The following DLGAP1 variants were observed in gnomAD, a reference collection of about 807,000 sequenced individuals.
The protein encoded by DLGAP1 is disks large-associated protein 1.
DLGAP1 carries 11 observed loss-of-function variants against 90.8 expected under a neutral mutation model. That is an observed-to-expected ratio of 0.12 (90% CI 0.08 to 0.20). DLGAP1 has a LOEUF of 0.20. Among genes scored for constraint, DLGAP1 ranks in the 10% least tolerant of loss-of-function variants. The pLI, the probability that DLGAP1 is intolerant of heterozygous loss-of-function variation, is 1.00. For missense variants in DLGAP1, 1,050 were observed against 1,333.8 expected (o/e 0.79, Z 3.31); for synonymous variants, 558 against 540.7 (o/e 1.03, Z -0.44).
At chr18:3,979,717 A>G (rs985530879) in intron 3 of DLGAP1, among the ~76,000 whole-genome samples, 1 of 152,270 alleles carries the variant, frequency 6.6e-6, no homozygotes, top group African/African-American at 2.4e-5. Context: ...CTTACCACAA[A>G]AAATGATAAA....
chr18:3,562,149 C>T (rs1044498538), intron 9 of DLGAP1, among the ~76,000 whole-genome samples: 1 of 151,998 alleles, frequency 6.6e-6, no homozygotes, highest in Non-Finnish European at 1.5e-5. Flanking sequence ...ATTGCTTGAA[C>T]CCAGGAGGCA....
chr18:4,382,850 T>G (rs562044469), intron 1 of DLGAP1, among the ~76,000 whole-genome samples: 20 of 152,314 alleles, frequency 1.3e-4, no homozygotes, highest in African/African-American at 4.3e-4. Flanking sequence ...ATAGGTCTCC[T>G]GAAGTTGTTT....
chr18:3,799,269 C>T (rs2066169460), intron 5 of DLGAP1, among the ~76,000 whole-genome samples: 1 of 152,166 alleles, frequency 6.6e-6, no homozygotes, highest in Non-Finnish European at 1.5e-5. Flanking sequence ...CACTGTTCTG[C>T]CTTCTCTTAT....
chr18:3,767,927 A>C (rs758880440), intron 5 of DLGAP1, among the ~76,000 whole-genome samples: 1 of 152,124 alleles, frequency 6.6e-6, no homozygotes, highest in Non-Finnish European at 1.5e-5. Flanking sequence ...TAGTATGGCA[A>C]GGAAATAAAA....
chr18:3,537,741 G>T (rs2052459391), intron 9 of DLGAP1, among the ~76,000 whole-genome samples: 1 of 152,108 alleles, frequency 6.6e-6, no homozygotes, highest in African/African-American at 2.4e-5. Context: ...AGTGCACCAG[G>T]ATTCCTATTT....
intron 7 of DLGAP1, among the ~76,000 whole-genome samples, chr18:3,609,051 G>T (rs1453651455): frequency 2.6e-5 from 4 of 152,078 alleles, no homozygotes; most frequent in African/African-American, 9.7e-5. Context: ...GGCCATGTTG[G>T]TCTCAAACTC....
chr18:4,107,852 A>G (rs1166756040), intron 2 of DLGAP1, among the ~76,000 whole-genome samples: 1 of 151,956 alleles, frequency 6.6e-6, no homozygotes, highest in Non-Finnish European at 1.5e-5. Flanking sequence ...TGTGTGTCTG[A>G]TTTTCTTTCT....
At chr18:3,712,621 C>T (rs2061632595) in intron 7 of DLGAP1, among the ~76,000 whole-genome samples, 2 of 152,266 alleles carry the variant, frequency 1.3e-5, no homozygotes, top group Admixed American at 6.5e-5. Context: ...CAATATGGTG[C>T]GTGAAATGGC....
At chr18:3,568,000 G>A (rs1362091775) in intron 8 of DLGAP1, among the ~76,000 whole-genome samples, 1 of 151,976 alleles carries the variant, frequency 6.6e-6, no homozygotes, top group East Asian at 1.9e-4. Flanking sequence ...CCGGGTTCAA[G>A]GGATTCTCCT....
chr18:3,891,897 C>T (rs1455409705), intron 3 of DLGAP1: 1 of 151,926 alleles, frequency 6.6e-6, no homozygotes, highest in Admixed American at 6.6e-5. Flanking sequence ...TGCCACCATG[C>T]CTGGACAATT....
chr18:3,587,123 C>T (rs1245323903), intron 7 of DLGAP1, among the ~76,000 whole-genome samples: 1 of 152,198 alleles, frequency 6.6e-6, no homozygotes. Flanking sequence ...GGTGCAATCT[C>T]GGCTCACTGC....
At chr18:3,621,383 C>A (rs1222748137) in intron 7 of DLGAP1, among the ~76,000 whole-genome samples, 2 of 152,172 alleles carry the variant, frequency 1.3e-5, no homozygotes, top group Non-Finnish European at 2.9e-5. Flanking sequence ...CATAGTGAGA[C>A]CTTGTCTGTT....
intron 2 of DLGAP1, among the ~76,000 whole-genome samples, chr18:4,137,732 A>C (rs573876076): frequency 4.8e-4 from 73 of 152,264 alleles, no homozygotes; most frequent in African/African-American, 1.6e-3. Context: ...TGGACATTTT[A>C]ATAATGTTGA....
At chr18:4,387,271 T>TA (rs1178541685) in intron 1 of DLGAP1, among the ~76,000 whole-genome samples, 1 of 151,834 alleles carries the variant, frequency 6.6e-6, no homozygotes, top group Non-Finnish European at 1.5e-5. Flanking sequence ...CTTTGGGGAG[T>TA]AAAAAAAGAA....
chr18:3,534,662 T>TTTCCTTCCTTCCTTCC (rs539319280), intron 9 of DLGAP1, 47 bp from the exon 10 acceptor site: 1 of 1,403,386 alleles, frequency 7.1e-7, no homozygotes, highest in African/African-American at 1.6e-5. Context: ...TATTTCTTTC[T>TTTCCTTCCTTCCTTCC]TTCCTTCCTT....
chr18:3,785,936 A>G (rs2148173294), intron 5 of DLGAP1, among the ~76,000 whole-genome samples: 1 of 152,298 alleles, frequency 6.6e-6, no homozygotes, highest in South Asian at 2.1e-4. Context: ...GGCTTCCTTC[A>G]GCCTTTTTTC....
rs972112692 is a variant in DLGAP1, at chr18:4,415,672, A to C, written c.-267+39334T>G. Among the ~76,000 whole-genome samples the C allele has an allele frequency of 1.4e-4, 21 of 152,154 alleles. 1 individual carries two copies. The highest frequency in any genetic ancestry group is 4.3e-4 in the African/African-American group (18 of 41,454). The stretch of plus-strand genomic sequence containing the variant: ...AGGTTTTGCACTTCAGCTGATATAG[A>C]TTCAAAAATTGGCTCTGTCACTTAC... On this transcript the variant is annotated intron_variant, in intron 1 of 12. Coordinates refer to ENST00000315677, the MANE Select transcript of DLGAP1 (RefSeq NM_004746.4).
At chr18:3,671,181 CTGCTT>C (rs960879696) in intron 7 of DLGAP1, among the ~76,000 whole-genome samples, 3 of 111,788 alleles carry the variant, frequency 2.7e-5, no homozygotes, top group African/African-American at 1.3e-4. Flanking sequence ...TTGCTCTTTG[CTGCTT>C]TTTTTTTTTT....
chr18:3,863,099 G>A (rs939862490), intron 4 of DLGAP1, among the ~76,000 whole-genome samples: 1 of 152,230 alleles, frequency 6.6e-6, no homozygotes, highest in Non-Finnish European at 1.5e-5. Flanking sequence ...ATAAACAACA[G>A]GAAACATGGT....
Sources: allele counts gnomAD v4.1 joint callset (sites outside exome capture counted in the v4.1 genomes callset), GRCh38; gene constraint gnomAD v4.1.1; transcripts MANE v1.5; gene names NCBI Gene and HGNC (gene_info 2026-07-23, HGNC 2026-07-21).